The following RAB27A variants were observed in gnomAD, a reference collection of about 807,000 sequenced individuals.
The protein encoded by RAB27A is RAB27A, member RAS oncogene family, also known as ras-related protein Rab-27A.
Under a neutral mutation model 20.8 loss-of-function variants are expected in RAB27A, and 17 were observed. The observed-to-expected ratio is 0.82, with a 90% CI of 0.56 to 1.23. The LOEUF (loss-of-function observed/expected upper bound fraction) is 1.23. RAB27A is among the 50% of genes most tolerant of loss of function. The pLI is 0.00. For synonymous variants in RAB27A, 85 were observed against 92.8 expected, an observed-to-expected ratio of 0.92 and a Z score of 0.48; for missense variants, 277 against 266.7, an observed-to-expected ratio of 1.04 and a Z score of -0.27.
intron 2 of RAB27A, among the ~76,000 whole-genome samples, chr15:55,256,300 G>A (rs1280601750): frequency 1.3e-5 from 2 of 151,966 alleles, no homozygotes; most frequent in Non-Finnish European, 2.9e-5. Flanking sequence ...AGTAGTCCCG[G>A]CTACTCAGAA....
chr15:55,272,174 A>G (rs989385298), intron 1 of RAB27A, among the ~76,000 whole-genome samples: 3 of 152,216 alleles, frequency 2.0e-5, no homozygotes, highest in African/African-American at 7.2e-5. Flanking sequence ...TTCTGATTCA[A>G]TATTCCTGTA....
chr15:55,265,728 G>A lies in RAB27A; in HGVS notation c.-23+4437C>T, dbSNP rs116970917. Among the ~76,000 whole-genome samples the A allele has an allele frequency of 3.5e-4, 54 of 152,188 alleles. No individual in the cohort carries two copies. The East Asian group carries it at 6.2e-3, about 17-fold the overall frequency. On this transcript the variant is annotated intron_variant, in intron 2 of 6. Transcript: ENST00000336787. The stretch of plus-strand genomic sequence containing the variant: ...GGCAGGTAAGGGTTTGAGGGTTTGC[G>A]CTTGCAAAGGTGTAAGAGGCTAAGG...
chr15:55,309,871 T>C (rs959551928), intron 2 of RAB27A, among the ~76,000 whole-genome samples: 2 of 152,114 alleles, frequency 1.3e-5, no homozygotes, highest in Admixed American at 1.3e-4. Flanking sequence ...CTTGGGCTTT[T>C]AGGTCCTTAA....
At chr15:55,229,389 T>G (rs559574923) in intron 4 of RAB27A, among the ~76,000 whole-genome samples, 8 of 152,290 alleles carry the variant, frequency 5.3e-5, no homozygotes, top group African/African-American at 1.4e-4. Context: ...TTAAAAAGAG[T>G]TCTTGGCCAG....
At chr15:55,306,191 G>A (rs920122795) in intron 2 of RAB27A, among the ~76,000 whole-genome samples, 2 of 152,128 alleles carry the variant, frequency 1.3e-5, no homozygotes, top group Admixed American at 1.3e-4. Context: ...TGAGGTTTGA[G>A]GTATGGGTTA....
intron 6 of RAB27A, among the ~76,000 whole-genome samples, chr15:55,220,011 AT>A (rs377076288): frequency 2.0e-5 from 3 of 152,056 alleles, no homozygotes; most frequent in Non-Finnish European, 4.4e-5. Context: ...GCCACTACAA[AT>A]TTTTTTTCTG....
chr15:55,239,604 T>C (rs1355375364), intron 2 of RAB27A, among the ~76,000 whole-genome samples: 1 of 152,146 alleles, frequency 6.6e-6, no homozygotes, highest in Non-Finnish European at 1.5e-5. Context: ...ACAGGCTTCC[T>C]GGGTTGAGAA....
chr15:55,265,200 C>T (rs1199944394), intron 2 of RAB27A, among the ~76,000 whole-genome samples: 2 of 152,118 alleles, frequency 1.3e-5, no homozygotes, highest in African/African-American at 2.4e-5. Flanking sequence ...CGAGATCGCA[C>T]ATTGCACTCC....
chr15:55,286,165 G>C (rs1898146967), intron 1 of RAB27A, among the ~76,000 whole-genome samples: 1 of 152,196 alleles, frequency 6.6e-6, no homozygotes, highest in South Asian at 2.1e-4. Context: ...AAGCCAAGCA[G>C]GGTTGGGCCT....
chr15:55,292,373 G>A (rs2141139393), upstream of RAB27A, among the ~76,000 whole-genome samples: 1 of 152,334 alleles, frequency 6.6e-6, no homozygotes, highest in East Asian at 1.9e-4. Flanking sequence ...GCACAGCCAG[G>A]CCTAAAACTC....
At chr15:55,232,501 G>C (rs770026989) in intron 3 of RAB27A, among the ~76,000 whole-genome samples, 1 of 152,292 alleles carries the variant, frequency 6.6e-6, no homozygotes, top group South Asian at 2.1e-4. Flanking sequence ...AATTATTCCT[G>C]AGGAGGCCCA....
chr15:55,245,253 T>G (rs979690779), intron 2 of RAB27A, among the ~76,000 whole-genome samples: 3 of 152,202 alleles, frequency 2.0e-5, no homozygotes, highest in Non-Finnish European at 4.4e-5. Context: ...ATGTCTTCCG[T>G]GCAGTTTACT....
At chr15:55,266,739 G>A (rs1468225410) in intron 2 of RAB27A, among the ~76,000 whole-genome samples, 2 of 152,136 alleles carry the variant, frequency 1.3e-5, no homozygotes, top group East Asian at 3.9e-4. Context: ...TAATAAAGTT[G>A]CCCAAGGTCA....
intron 6 of RAB27A, among the ~76,000 whole-genome samples, chr15:55,211,812 G>A (rs1895039145): frequency 6.6e-6 from 1 of 152,034 alleles, no homozygotes; most frequent in African/African-American, 2.4e-5. Flanking sequence ...ACTATACTAT[G>A]TCTTGTAAAA....
chr15:55,285,003 T>A (rs1006572912), intron 1 of RAB27A, among the ~76,000 whole-genome samples: 1 of 152,156 alleles, frequency 6.6e-6, no homozygotes, highest in Non-Finnish European at 1.5e-5. Flanking sequence ...TTCCTATGCA[T>A]AAACATAAAC....
chr15:55,272,318 G>A (rs1422685196), intron 1 of RAB27A, among the ~76,000 whole-genome samples: 1 of 152,200 alleles, frequency 6.6e-6, no homozygotes, highest in African/African-American at 2.4e-5. Context: ...AGAATGCCGT[G>A]AACCCGGGAG....
At chr15:55,262,719 G>T (rs1897321074) in intron 2 of RAB27A, among the ~76,000 whole-genome samples, 1 of 150,228 alleles carries the variant, frequency 6.7e-6, no homozygotes, top group Admixed American at 6.7e-5. Flanking sequence ...TGCAGCCTCG[G>T]CCTCCCAGGC....
At chr15:55,292,592 T>C (rs2054929055), upstream of RAB27A, among the ~76,000 whole-genome samples, 1 of 152,178 alleles carries the variant, frequency 6.6e-6, no homozygotes, top group Non-Finnish European at 1.5e-5. Context: ...GGATGCCCAG[T>C]TTCTGGTTTG....
chr15:55,318,698 T>G (rs1595761375), intron 1 of RAB27A, among the ~76,000 whole-genome samples: 1 of 130,580 alleles, frequency 7.7e-6, no homozygotes. Context: ...CGAAACTCCG[T>G]CTCAAAAAAA....
Sources: allele counts gnomAD v4.1 joint callset (sites outside exome capture counted in the v4.1 genomes callset), GRCh38; gene constraint gnomAD v4.1.1; transcripts MANE v1.5; gene names NCBI Gene and HGNC (gene_info 2026-07-23, HGNC 2026-07-21).